LRPAP1: variants seen among roughly 807,000 people sequenced by gnomAD.
LRPAP1 encodes the protein alpha-2-macroglobulin receptor-associated protein.
LRPAP1 carries 41 observed loss-of-function variants against 39.9 expected under a neutral mutation model. The observed-to-expected ratio is 1.03, with a 90% confidence interval of 0.80 to 1.33. The LOEUF (loss-of-function observed/expected upper bound fraction) is 1.33, where lower values mean the gene tolerates loss of function less well. Among genes scored for constraint, LRPAP1 ranks in the 40% most tolerant of loss-of-function variants. LRPAP1 has a pLI of 0.00. For missense variants in LRPAP1, 565 were observed against 482.3 expected, an observed-to-expected ratio of 1.17 and a Z score of -1.61; for synonymous variants, 263 against 212.7, an observed-to-expected ratio of 1.24 and a Z score of -2.06.
At chr4:3,517,887 C>A (rs1577205884) in intron 5 of LRPAP1, 147 bp downstream of exon 5, 3 of 987,816 alleles carry the variant, frequency 3.0e-6, no homozygotes, top group Non-Finnish European at 4.3e-6. Context: ...CCTGTGACCA[C>A]CCGTGGGTAG....
chr4:3,505,462 G>A lies in LRPAP1; in HGVS notation c.*7512C>T, dbSNP rs947324473. On this transcript the variant is annotated 3_prime_UTR_variant, in exon 8 of 8. Transcript: ENST00000650182. The stretch of plus-strand genomic sequence containing the variant: ...TTCCTTGTCAAGCATGACTCCGAGC[G>A]GCACTTCTTCCACACCGCGCAGCTG... Among the ~76,000 whole-genome samples, 5 of 152,166 alleles carry A rather than the reference G, an allele frequency of 3.3e-5. No individual in the cohort carries two copies. Among genetic ancestry groups the A allele is most frequent in the Non-Finnish European group, 5.9e-5 (4 of 68,024 alleles).
chr4:3,525,083 C>G, intron 1 of LRPAP1, 32 bp from the exon 2 acceptor site: 1 of 1,612,536 alleles, frequency 6.2e-7, no homozygotes, highest in Non-Finnish European at 8.5e-7. Context: ...CTGTGAGCCA[C>G]GAGCAGGACG....
At position 3,505,681 on chromosome 4, in the gene LRPAP1, G is replaced by A. The variant is rs368551596; in HGVS notation, c.*7293C>T. 2.1e-3 allele frequency among the ~76,000 whole-genome samples: 325 copies of A among 152,206 alleles called. 1 individual carries two copies. Among genetic ancestry groups the A allele is most frequent in the African/African-American group, 7.4e-3 (308 of 41,526 alleles). ...CGTCTATACCAGCTACCCCAAGACC[G>A]TCTATACCAGCTACCCCAAGACCGT... is the stretch of plus-strand genomic sequence containing the variant. On this transcript the variant is annotated 3_prime_UTR_variant, in exon 8 of 8. Coordinates refer to ENST00000650182, the MANE Select transcript of LRPAP1 (RefSeq NM_002337.4).
In LRPAP1 at chr4:3,525,041, G is replaced by C; in HGVS notation, c.215C>G (p.Pro72Arg). The C allele has an allele frequency of 3.1e-6, 5 of 1,614,016 alleles. No individual in the cohort carries two copies. Among genetic ancestry groups the C allele is most frequent in the Non-Finnish European group, 4.2e-6 (5 of 1,180,028 alleles). ...LWEKAQRLHL[P>R]PVRLAELHAD... Reference sequence around the variant, plus strand: ...GTGGAGCTCGGCCAGCCTCACGGGAGGAAGATGCAGCTGCGAACGAAGGGG... The same window carrying C: ...GTGGAGCTCGGCCAGCCTCACGGGACGAAGATGCAGCTGCGAACGAAGGGG... Residue 72 changes from proline to arginine, a missense_variant, in exon 2 of 8, where the codon CCT (proline) becomes CGT (arginine). Pro to Arg is a moderately radical substitution (Grantham distance 103, BLOSUM62 -2). Coordinates refer to ENST00000650182, the MANE Select transcript of LRPAP1 (RefSeq NM_002337.4).
chr4:3,519,137 A>T, intron 3 of LRPAP1, 146 bp from the exon 4 acceptor site: 3 of 1,369,826 alleles, frequency 2.2e-6, no homozygotes, highest in Non-Finnish European at 2.9e-6. Flanking sequence ...GGGCAGGAAA[A>T]CAAAAAACAA....
intron 4 of LRPAP1, 45 bp from the exon 5 acceptor site, chr4:3,518,237 A>G (rs896207168): frequency 4.4e-6 from 7 of 1,578,138 alleles, no homozygotes; most frequent in East Asian, 4.5e-5. Context: ...GAGTCCTCGC[A>G]CTGCCTGCCC....
chr4:3,525,544 G>A (rs960827105), intron 1 of LRPAP1, among the ~76,000 whole-genome samples: 11 of 152,098 alleles, frequency 7.2e-5, no homozygotes, highest in South Asian at 2.1e-4. Context: ...ACCATGATCC[G>A]AACTGTCTTG....
At chr4:3,518,449 G>A (rs1372393077) in intron 4 of LRPAP1, among the ~76,000 whole-genome samples, 5 of 152,238 alleles carry the variant, frequency 3.3e-5, no homozygotes, top group Non-Finnish European at 7.3e-5. Flanking sequence ...AGGTCCCCTG[G>A]GGGCTGACTC....
chr4:3,526,439 A>T (rs1730080356), intron 1 of LRPAP1, among the ~76,000 whole-genome samples: 1 of 152,234 alleles, frequency 6.6e-6, no homozygotes, highest in South Asian at 2.1e-4. Context: ...GCTATTTTCT[A>T]ACATAAATAC....
chr4:3,524,410 C>T (rs1730014423), intron 2 of LRPAP1, among the ~76,000 whole-genome samples: 1 of 152,240 alleles, frequency 6.6e-6, no homozygotes, highest in Non-Finnish European at 1.5e-5. Flanking sequence ...CTAGGGCAGA[C>T]CTGCTTCCTC....
chr4:3,520,888 C>T (rs1177589093), intron 2 of LRPAP1, among the ~76,000 whole-genome samples: 2 of 152,346 alleles, frequency 1.3e-5, no homozygotes, highest in African/African-American at 2.4e-5. Context: ...AGGGGGGACT[C>T]GGCATCTGTG....
chr4:3,524,147 C>T (rs957370888), intron 2 of LRPAP1, among the ~76,000 whole-genome samples: 2 of 152,168 alleles, frequency 1.3e-5, no homozygotes, highest in Non-Finnish European at 2.9e-5. Context: ...GTCCTCTGCC[C>T]GCCAGTGCCC....
intron 7 of LRPAP1, among the ~76,000 whole-genome samples, chr4:3,514,292 T>G (rs1211438557): frequency 1.3e-5 from 2 of 152,248 alleles, no homozygotes; most frequent in African/African-American, 4.8e-5. Flanking sequence ...AGAAAGAACT[T>G]GGCATGAGCT....
At chr4:3,526,574 G>A (rs1182170299) in intron 1 of LRPAP1, among the ~76,000 whole-genome samples, 2 of 152,242 alleles carry the variant, frequency 1.3e-5, no homozygotes, top group African/African-American at 4.8e-5. Context: ...GCGCCGCCTT[G>A]TGGCCCACAC....
chr4:3,528,599 G>A lies in LRPAP1; in HGVS notation c.205-3548C>T, dbSNP rs573969287. Among the ~76,000 whole-genome samples the A allele has an allele frequency of 5.9e-5, 9 of 152,352 alleles. No individual in the cohort carries two copies. In the South Asian group the frequency reaches 1.9e-3, roughly 32 times the overall value. ...TGGACCACCTCTTCAGAGGGCATGT[G>A]CCATCCTCCCAGCGCTCACCTGAGT... On this transcript the variant is annotated intron_variant, in intron 1 of 7. Transcript: ENST00000650182.
chr4:3,526,882 C>A (rs1054822669), intron 1 of LRPAP1, among the ~76,000 whole-genome samples: 1 of 152,206 alleles, frequency 6.6e-6, no homozygotes, highest in African/African-American at 2.4e-5. Context: ...GACTCTGTGG[C>A]TGCCCTAGCC....
chr4:3,518,748 C>A lies in LRPAP1; in HGVS notation c.592+123G>T, dbSNP rs1076899. The stretch of plus-strand genomic sequence containing the variant: ...AGGGCGTCTGGTGCCGCCTCCCTGC[C>A]CCTGCTGTGTTCCTGAGGGGAGCTG... On this transcript the variant is annotated intron_variant, in intron 4 of 7. Coordinates refer to ENST00000650182, the MANE Select transcript of LRPAP1 (RefSeq NM_002337.4). 215,335 of 645,024 alleles carry A rather than the reference C, an allele frequency of 0.33. 38,628 individuals carry two copies. The highest frequency in any genetic ancestry group is 0.51 in the South Asian group (24,843 of 48,692). The allele number at this position is 645,024 out of a possible 1,614,324, so 40.0% of individuals were successfully genotyped here.
chr4:3,523,445 T>C (rs1035248075), intron 2 of LRPAP1, among the ~76,000 whole-genome samples: 2 of 152,188 alleles, frequency 1.3e-5, no homozygotes. Context: ...CCAGCAAAAA[T>C]GAAGCCGGCC....
Position 3,504,949 on chromosome 4 carries a change from G to GAAA in LRPAP1, c.*8022_*8024dup, listed in dbSNP as rs776118903. Among the ~76,000 whole-genome samples, 21 of 76,262 alleles carry GAAA rather than the reference G, an allele frequency of 2.8e-4. No homozygotes were observed. The highest frequency in any genetic ancestry group is 1.1e-4 in the Non-Finnish European group (4 of 35,066). 50.0% of individuals were successfully genotyped at this position (76,262 alleles called of 152,430 possible). A position where few individuals can be genotyped will look rare whatever the true frequency, so the allele number is the denominator to read the frequency against. On this transcript the variant is annotated 3_prime_UTR_variant, in exon 8 of 8. Transcript: ENST00000650182. ...GCGACAGAGCAAGACTCCGTCTCAA[G>GAAA]AAAAAAATAAATAACAAAGAACAGA...
Sources: allele counts gnomAD v4.1 joint callset (sites outside exome capture counted in the v4.1 genomes callset), GRCh38; gene constraint gnomAD v4.1.1; transcripts MANE v1.5; gene names NCBI Gene and HGNC (gene_info 2026-07-23, HGNC 2026-07-21).